MAGI2: variants seen among roughly 807,000 people sequenced by gnomAD.
MAGI2 encodes membrane associated guanylate kinase, WW and PDZ domain containing 2, also known as membrane-associated guanylate kinase, WW and PDZ domain-containing protein 2.
Under a neutral mutation model 133.3 loss-of-function variants are expected in MAGI2, and 35 were observed. The ratio of observed to expected loss-of-function variants is 0.26; its 90% CI spans 0.20 to 0.35. MAGI2 has a LOEUF of 0.35. Ranked by LOEUF, MAGI2 falls within the 10% of genes least tolerant of loss-of-function variation. The pLI is 1.00. For missense variants in MAGI2, 1,636 were observed against 1,863.4 expected (o/e 0.88, Z 2.25); for synonymous variants, 729 against 710.6 (o/e 1.03, Z -0.41).
At chr7:79,225,452 C>T (rs962825221) in intron 1 of MAGI2, among the ~76,000 whole-genome samples, 3 of 151,992 alleles carry the variant, frequency 2.0e-5, no homozygotes, top group South Asian at 2.1e-4. Context: ...AATAGTGCAA[C>T]GAAGTTACTG....
chr7:79,111,857 C>T (rs1217563470), intron 1 of MAGI2, among the ~76,000 whole-genome samples: 2 of 151,994 alleles, frequency 1.3e-5, no homozygotes, highest in Non-Finnish European at 2.9e-5. Context: ...TTAGTACAGA[C>T]GGGGTTTCAT....
intron 2 of MAGI2, among the ~76,000 whole-genome samples, chr7:78,848,658 C>T (rs538800169): frequency 6.6e-6 from 1 of 152,108 alleles, no homozygotes; most frequent in South Asian, 2.1e-4. Flanking sequence ...ATGTATTTCT[C>T]TCCATTCTGT....
chr7:79,122,061 A>C (rs552111083), intron 1 of MAGI2, among the ~76,000 whole-genome samples: 1 of 152,174 alleles, frequency 6.6e-6, no homozygotes, highest in Admixed American at 6.5e-5. Context: ...ATAAATGTAG[A>C]TGTTCAATTA....
At chr7:78,717,763 T>C (rs563846295) in intron 2 of MAGI2, among the ~76,000 whole-genome samples, 3 of 152,328 alleles carry the variant, frequency 2.0e-5, no homozygotes, top group South Asian at 2.1e-4. Context: ...CTAAGCCTAA[T>C]AGAAATTAAA....
chr7:79,186,842 A>C (rs187847695), intron 1 of MAGI2, among the ~76,000 whole-genome samples: 2 of 148,308 alleles, frequency 1.3e-5, no homozygotes, highest in Non-Finnish European at 3.0e-5. Context: ...TGTCAATTGA[A>C]ACGACTTAAT....
intron 2 of MAGI2, among the ~76,000 whole-genome samples, chr7:78,696,689 AAAAGATTGTCAGTT>A (rs1351668620): frequency 1.3e-5 from 2 of 152,062 alleles, no homozygotes; most frequent in African/African-American, 4.8e-5. Context: ...GATGAAAAAA[AAAAGATTGTCAGTT>A]TTCTGATAAA....
At chr7:79,268,200 A>G (rs1834622435) in intron 1 of MAGI2, among the ~76,000 whole-genome samples, 1 of 152,130 alleles carries the variant, frequency 6.6e-6, no homozygotes, top group Admixed American at 6.6e-5. Context: ...AATTTTCTTT[A>G]GTTCAAAACA....
chr7:79,034,637 T>A (rs545241683), intron 1 of MAGI2, among the ~76,000 whole-genome samples: 1 of 152,212 alleles, frequency 6.6e-6, no homozygotes, highest in African/African-American at 2.4e-5. Flanking sequence ...CTCAAAGAAC[T>A]TTCTCCAGGG....
Position 79,235,760 on chromosome 7 carries a change from C to T in MAGI2, c.301+217260G>A, listed in dbSNP as rs147070614. ...TGCAGAAATCACCCGTCTTCTGCGT[C>T]GCTCACGCTGGGAGCTGTAGACCGG... On this transcript the variant is annotated intron_variant, in intron 1 of 21. Transcript: ENST00000354212. 8.7e-3 allele frequency among the ~76,000 whole-genome samples: 1,319 copies of T among 152,312 alleles called. 16 individuals carry two copies. Among genetic ancestry groups the T allele is most frequent in the Non-Finnish European group, 0.012 (826 of 68,024 alleles).
intron 9 of MAGI2, among the ~76,000 whole-genome samples, chr7:78,308,529 TTTTTTTTTTC>T (rs1378029467): frequency 1.1e-4 from 16 of 150,460 alleles, no homozygotes; most frequent in Middle Eastern, 3.5e-3. Flanking sequence ...CGACCCATCT[TTTTTTTTTTC>T]TTTTTTTTTC....
At chr7:78,862,488 C>T (rs1794230318) in intron 2 of MAGI2, among the ~76,000 whole-genome samples, 1 of 152,106 alleles carries the variant, frequency 6.6e-6, no homozygotes, top group African/African-American at 2.4e-5. Context: ...GGAGTTTGTC[C>T]AGGAAGGGTT....
At chr7:79,290,398 A>AT (rs35252688) in intron 1 of MAGI2, among the ~76,000 whole-genome samples, 90,893 of 150,894 alleles carry the variant, frequency 0.6, 29,051 homozygotes, top group Non-Finnish European at 0.7. Flanking sequence ...TTAATTTTAA[A>AT]TTTTTTTGAA....
At chr7:78,211,646 A>G (rs1417953440) in intron 10 of MAGI2, among the ~76,000 whole-genome samples, 1 of 152,228 alleles carries the variant, frequency 6.6e-6, no homozygotes, top group Non-Finnish European at 1.5e-5. Flanking sequence ...TGCACTTTAC[A>G]TTCTATCAAT....
intron 6 of MAGI2, among the ~76,000 whole-genome samples, chr7:78,411,000 T>C (rs1038510770): frequency 1.3e-5 from 2 of 151,988 alleles, no homozygotes; most frequent in African/African-American, 4.8e-5. Context: ...GATAAAAGCT[T>C]AATATTGAAC....
At chr7:79,237,383 C>T (rs1243821615) in intron 1 of MAGI2, among the ~76,000 whole-genome samples, 2 of 152,132 alleles carry the variant, frequency 1.3e-5, no homozygotes, top group Admixed American at 1.3e-4. Flanking sequence ...GTCCTAGCTA[C>T]TCTGGAGGCT....
chr7:78,052,452 T>A (rs1812114200), intron 21 of MAGI2, among the ~76,000 whole-genome samples: 1 of 152,206 alleles, frequency 6.6e-6, no homozygotes, highest in South Asian at 2.1e-4. Flanking sequence ...CAGAGGCAGA[T>A]GCTGGTGCCA....
intron 9 of MAGI2, among the ~76,000 whole-genome samples, chr7:78,281,177 T>TATAC (rs1795534051): frequency 6.6e-6 from 1 of 152,130 alleles, no homozygotes; most frequent in Non-Finnish European, 1.5e-5. Flanking sequence ...ACTTATAATC[T>TATAC]ATACATTTAA....
chr7:78,933,425 T>A (rs1168575894), intron 2 of MAGI2, among the ~76,000 whole-genome samples: 1 of 152,146 alleles, frequency 6.6e-6, no homozygotes, highest in Non-Finnish European at 1.5e-5. Context: ...TGCTAATGCT[T>A]AGAACACAGT....
At chr7:79,257,744 A>T (rs1833793567) in intron 1 of MAGI2, among the ~76,000 whole-genome samples, 1 of 152,216 alleles carries the variant, frequency 6.6e-6, no homozygotes, top group African/African-American at 2.4e-5. Flanking sequence ...TCAGTACATA[A>T]AATAATGATA....
Sources: gnomAD v4.1 joint callset for allele counts (sites outside exome capture counted in the v4.1 genomes callset) on GRCh38, gnomAD v4.1.1 for gene constraint, MANE v1.5 for transcripts, NCBI Gene and HGNC (gene_info 2026-07-23, HGNC 2026-07-21) for gene names.